Variants in TSHZ3 observed in about 807,000 individuals in gnomAD.
TSHZ3 encodes the protein teashirt homolog 3.
TSHZ3 carries 10 observed loss-of-function variants against 64.5 expected under a neutral mutation model. The observed-to-expected ratio is 0.16, with a 90% CI of 0.10 to 0.26. The LOEUF (loss-of-function observed/expected upper bound fraction) is 0.26. Ranked by LOEUF, TSHZ3 falls within the 10% of genes least tolerant of loss-of-function variation. The pLI, the probability that TSHZ3 is intolerant of heterozygous loss-of-function variation, is 1.00. For synonymous variants in TSHZ3, 608 were observed against 593.1 expected, an observed-to-expected ratio of 1.03 and a Z score of -0.36; for missense variants, 1,242 against 1,421.7, an observed-to-expected ratio of 0.87 and a Z score of 2.03.
intron 1 of TSHZ3, among the ~76,000 whole-genome samples, chr19:31,298,847 A>AAATGTACT (rs980077124): frequency 4.0e-4 from 61 of 152,310 alleles, no homozygotes; most frequent in African/African-American, 1.4e-3. Context: ...TACACGTTTA[A>AAATGTACT]AATGTACTAC....
At chr19:31,150,339 G>T (rs1974222954) in exon 7 of TSHZ3, among the ~76,000 whole-genome samples, 1 of 152,190 alleles carries the variant, frequency 6.6e-6, no homozygotes, top group Non-Finnish European at 1.5e-5. Context: ...GCCTGCAAGG[G>T]GGATGGGCAC....
At chr19:31,266,854 C>G (rs1049585892) in intron 1 of TSHZ3, among the ~76,000 whole-genome samples, 1 of 152,186 alleles carries the variant, frequency 6.6e-6, no homozygotes. Context: ...ATCTAGGGAC[C>G]AAGCCCCTGT....
chr19:31,197,460 AGAAGAGAAATCAATGAAATT>A (rs1975009491), intron 5 of TSHZ3, among the ~76,000 whole-genome samples: 1 of 151,740 alleles, frequency 6.6e-6, no homozygotes, highest in Non-Finnish European at 1.5e-5. Context: ...AATGAAAATT[AGAAGAGAAATCAATGAAATT>A]GAACTCAAGA....
intron 1 of TSHZ3, among the ~76,000 whole-genome samples, chr19:31,294,342 G>A (rs1976627453): frequency 6.6e-6 from 1 of 151,616 alleles, no homozygotes; most frequent in Non-Finnish European, 1.5e-5. Flanking sequence ...AGCCAGCACT[G>A]ACCCAACACT....
intron 6 of TSHZ3, among the ~76,000 whole-genome samples, chr19:31,152,388 A>G (rs1974253179): frequency 6.6e-6 from 1 of 151,906 alleles, no homozygotes; most frequent in Admixed American, 6.6e-5. Context: ...GACTATTCAG[A>G]GTTGGAGATG....
intron 1 of TSHZ3, among the ~76,000 whole-genome samples, chr19:31,321,314 C>A (rs1916763204): frequency 6.6e-6 from 1 of 152,208 alleles, no homozygotes; most frequent in Non-Finnish European, 1.5e-5. Flanking sequence ...CAGGGCTGGA[C>A]GCTGCTCACT....
intron 1 of TSHZ3, among the ~76,000 whole-genome samples, chr19:31,246,270 G>T (rs2145187954): frequency 1.3e-5 from 2 of 152,304 alleles, no homozygotes; most frequent in Middle Eastern, 6.8e-3. Context: ...ATACCAAATT[G>T]ATCATATTGA....
At chr19:31,161,737 T>C (rs1425775703) in intron 5 of TSHZ3, among the ~76,000 whole-genome samples, 1 of 152,206 alleles carries the variant, frequency 6.6e-6, no homozygotes, top group African/African-American at 2.4e-5. Context: ...GCCTATTCTG[T>C]TCCTTTGCCA....
chr19:31,302,629 C>T (rs971104845), intron 1 of TSHZ3, among the ~76,000 whole-genome samples: 7 of 152,028 alleles, frequency 4.6e-5, no homozygotes, highest in Non-Finnish European at 8.8e-5. Context: ...TTACTTTTAC[C>T]TTAAAATACT....
rs1347391226 is a variant in TSHZ3, at chr19:31,344,635, T to C, written c.40+4545A>G. Among the ~76,000 whole-genome samples the C allele has an allele frequency of 2.6e-5, 4 of 152,182 alleles. No homozygotes were observed. The East Asian group carries it at 7.7e-4, about 29-fold the overall frequency. On this transcript the variant is annotated intron_variant, in intron 1 of 1. Coordinates refer to ENST00000240587, the MANE Select transcript of TSHZ3 (RefSeq NM_020856.4). ...CGCAGCCCTGGCCCCAGCCTGACTC[T>C]GGCAGGACACGTGTAAAAGAGAAAG...
chr19:31,246,340 T>C (rs1377169122), intron 1 of TSHZ3, among the ~76,000 whole-genome samples: 2 of 152,220 alleles, frequency 1.3e-5, no homozygotes, highest in African/African-American at 4.8e-5. Context: ...GTATTTAAAA[T>C]CATTTTTAAA....
intron 5 of TSHZ3, among the ~76,000 whole-genome samples, chr19:31,176,807 AAAC>A (rs532962741): frequency 3.4e-4 from 52 of 151,986 alleles, no homozygotes; most frequent in Middle Eastern, 3.2e-3. Context: ...AAATACTGAA[AAAC>A]AACAACAACA....
At chr19:31,247,331 A>G (rs1490839071) in intron 1 of TSHZ3, among the ~76,000 whole-genome samples, 1 of 152,150 alleles carries the variant, frequency 6.6e-6, no homozygotes, top group Non-Finnish European at 1.5e-5. Context: ...CAGATTAGCA[A>G]CTCTAATCAT....
At chr19:31,240,656 T>C (rs1975675919) in intron 3 of TSHZ3, among the ~76,000 whole-genome samples, 1 of 152,196 alleles carries the variant, frequency 6.6e-6, no homozygotes, top group African/African-American at 2.4e-5. Flanking sequence ...AAAACTGTTA[T>C]TAAGCAATTA....
rs1029870300 is a variant in TSHZ3 at position 31,170,903 on chromosome 19, G to A, written n.810-14486C>T. Among the ~76,000 whole-genome samples the A allele has an allele frequency of 2.6e-5, 4 of 152,286 alleles. No homozygotes were observed. The South Asian group carries it at 8.3e-4, about 32-fold the overall frequency. ...TTTCAAACTGTCTTTCAGCAAGTGA[G>A]GCTAAAGTTATTGAATATGCAAATT... On this transcript the variant is annotated intron_variant and non_coding_transcript_variant, in intron 5 of 6. Coordinates refer to the TSHZ3 transcript ENST00000651361.
In TSHZ3 at chr19:31,222,002, C is replaced by T. The variant is rs557270853; in HGVS notation, n.686+6003G>A. On this transcript the variant is annotated intron_variant and non_coding_transcript_variant, in intron 4 of 6. Transcript: ENST00000651361. ...ACATGAGGTCAGGAAGTGGTTGGAG[C>T]TCATGGTCCCCTGACAGTGTACGTG... 2.6e-5 allele frequency among the ~76,000 whole-genome samples: 4 copies of T among 152,282 alleles called. 1 individual carries two copies. Among genetic ancestry groups the T allele is most frequent in the African/African-American group, 9.6e-5 (4 of 41,548 alleles).
chr19:31,179,384 A>G (rs1974663571), intron 5 of TSHZ3, among the ~76,000 whole-genome samples: 1 of 152,230 alleles, frequency 6.6e-6, no homozygotes, highest in Non-Finnish European at 1.5e-5. Flanking sequence ...GTCCTCTGAT[A>G]TCCATCTCTT....
intron 1 of TSHZ3, among the ~76,000 whole-genome samples, chr19:31,309,837 C>G (rs1916405847): frequency 6.6e-6 from 1 of 152,136 alleles, no homozygotes; most frequent in Admixed American, 6.5e-5. Context: ...TCTCCATGTT[C>G]CCATCCTGCT....
At chr19:31,273,646 C>G (rs2145207782), downstream of TSHZ3, among the ~76,000 whole-genome samples, 1 of 152,318 alleles carries the variant, frequency 6.6e-6, no homozygotes, top group South Asian at 2.1e-4. Flanking sequence ...GAAATCTGGG[C>G]TCCAGGATGT....
Sources: allele counts gnomAD v4.1 joint callset (sites outside exome capture counted in the v4.1 genomes callset), GRCh38; gene constraint gnomAD v4.1.1; transcripts MANE v1.5; gene names NCBI Gene and HGNC (gene_info 2026-07-23, HGNC 2026-07-21).